The following PAPOLG variants were observed in gnomAD, a reference collection of about 807,000 sequenced individuals.
PAPOLG encodes the protein poly(A) polymerase gamma.
In PAPOLG, 40 loss-of-function variants were observed where a neutral mutation model predicts 99.0. The ratio of observed to expected loss-of-function variants is 0.40; its 90% CI spans 0.31 to 0.53. PAPOLG has a LOEUF of 0.53. PAPOLG is among the 20% of genes least tolerant of loss of function. The pLI is 0.41. For missense variants in PAPOLG, 675 were observed against 884.1 expected, an observed-to-expected ratio of 0.76 and a Z score of 3.00; for synonymous variants, 310 against 299.3, an observed-to-expected ratio of 1.04 and a Z score of -0.37.
At chr2:60,756,634 C>G in intron 1 of PAPOLG, 139 bp downstream of exon 1, 1 of 991,296 alleles carries the variant, frequency 1.0e-6, no homozygotes, top group Non-Finnish European at 1.5e-6. Flanking sequence ...GGCTCCCGGC[C>G]GGTCCGCAAG....
At chr2:60,759,379 GAAA>G (rs1194684477) in intron 1 of PAPOLG, among the ~76,000 whole-genome samples, 1 of 147,560 alleles carries the variant, frequency 6.8e-6, no homozygotes, top group Non-Finnish European at 1.5e-5. Flanking sequence ...AAAAAAAAAA[GAAA>G]AAAAAGTCTC....
chr2:60,761,623 CAT>C lies in PAPOLG; in HGVS notation c.180-113_180-112del. On this transcript the variant is annotated intron_variant, in intron 2 of 21. Coordinates refer to ENST00000238714, the MANE Select transcript of PAPOLG (RefSeq NM_022894.4). ...GTCAGTAGATGTGATAGCATTATCA[CAT>C]ATATGTTATGGTTTTACCCCAGCAT... 4.9e-6 allele frequency: 4 copies of C among 810,966 alleles called. 1 individual carries two copies. The South Asian group carries it at 6.3e-5, about 13-fold the overall frequency. The allele number at this position is 810,966 out of a possible 1,614,324, so 50.2% of individuals were successfully genotyped here.
rs374307901 is a variant in PAPOLG at position 60,783,163 on chromosome 2, A to G, written c.1120A>G (p.Ile374Val). 3 of 1,586,168 alleles carry G rather than the reference A, an allele frequency of 1.9e-6. No individual in the cohort carries two copies. The highest frequency in any genetic ancestry group is 2.6e-6 in the Non-Finnish European group (3 of 1,169,482). The change falls in exon 13 of 22, where the codon ATA (isoleucine) becomes GTA (valine). Residue 374 changes from isoleucine to valine, a missense_variant. Coordinates refer to ENST00000238714, the MANE Select transcript of PAPOLG (RefSeq NM_022894.4). Reference sequence around the variant, plus strand: ...TTGCTGAAAATTCTTCAGACATTATATAGTATTGACTGCCAGCGCATCAAC... The same window carrying G: ...TTGCTGAAAATTCTTCAGACATTATGTAGTATTGACTGCCAGCGCATCAAC... ...PNFFQKYRHYIVLTASASTEE... is the reference protein window; with the variant it reads ...PNFFQKYRHYVVLTASASTEE...
chr2:60,794,318 TAAAG>T (rs1162558563), intron 19 of PAPOLG, 127 bp downstream of exon 19: 3 of 976,022 alleles, frequency 3.1e-6, no homozygotes, highest in Admixed American at 6.2e-5. Context: ...ACCCAAATCT[TAAAG>T]AAACAATATT....
At chr2:60,782,556 CA>C in intron 11 of PAPOLG, 129 bp from the exon 12 acceptor site, 1 of 1,286,950 alleles carries the variant, frequency 7.8e-7, no homozygotes. Context: ...GACTCTGTCT[CA>C]AAAAAAGAAA....
At chr2:60,780,826 A>T in intron 10 of PAPOLG, 47 bp downstream of exon 10, 1 of 1,423,812 alleles carries the variant, frequency 7.0e-7, no homozygotes, top group African/African-American at 1.4e-5. Flanking sequence ...AAGGAAGAGG[A>T]CATTTCACTA....
chr2:60,766,333 G>C (rs184009859), intron 3 of PAPOLG, among the ~76,000 whole-genome samples: 1 of 152,306 alleles, frequency 6.6e-6, no homozygotes, highest in East Asian at 1.9e-4. Context: ...TCATGGAAGA[G>C]GTGGAACTTG....
At chr2:60,782,156 G>T in intron 11 of PAPOLG, 151 bp downstream of exon 11, 1 of 876,472 alleles carries the variant, frequency 1.1e-6, no homozygotes. Flanking sequence ...TTTTAGTAAT[G>T]AGTTTTCAAA....
At chr2:60,794,572 A>T (rs192571605) in intron 19 of PAPOLG, 138 bp from the exon 20 acceptor site, 13 of 727,170 alleles carry the variant, frequency 1.8e-5, no homozygotes, top group African/African-American at 1.6e-4. Flanking sequence ...ATCTAATTTA[A>T]ATTATCTTCT....
At chr2:60,778,265 G>T (rs561658429) in intron 8 of PAPOLG, among the ~76,000 whole-genome samples, 1 of 152,226 alleles carries the variant, frequency 6.6e-6, no homozygotes, top group East Asian at 1.9e-4. Context: ...TTCCACTCTA[G>T]CCTCCCGAGT....
In PAPOLG at chr2:60,794,003, C is replaced by G; in HGVS notation, c.1801C>G (p.Pro601Ala). 1 of 1,612,266 alleles carries G rather than the reference C, an allele frequency of 6.2e-7. No homozygotes were observed. Among genetic ancestry groups the G allele is most frequent in the South Asian group, 1.1e-5 (1 of 91,026 alleles). ...VDSTVKTVSP[P>A]TVCTIPTVVG... ...CTCTACAGTAAAAACTGTATCACCC[C>G]CCACTGTGTGTACCATTCCTACCGT... The change falls in exon 19 of 22, where the codon CCC (proline) becomes GCC (alanine). Residue 601 changes from proline to alanine, a missense_variant. Pro to Ala is a conservative substitution (Grantham distance 27). Around this residue, in one of 3 missense-constraint regions of PAPOLG, gnomAD observed 413 missense variants for 460.5 expected, o/e 0.90. Transcript: ENST00000238714.
intron 8 of PAPOLG, 132 bp downstream of exon 8, chr2:60,775,255 C>A (rs1670981954): frequency 9.2e-6 from 10 of 1,084,898 alleles, no homozygotes; most frequent in Non-Finnish European, 1.3e-5. Context: ...TCTGTAATAG[C>A]TATTTGCTTT....
intron 20 of PAPOLG, 68 bp downstream of exon 20, chr2:60,794,843 A>G (rs1671648421): frequency 6.5e-7 from 1 of 1,541,398 alleles, no homozygotes; most frequent in Non-Finnish European, 8.9e-7. Flanking sequence ...AAAGTGCCAT[A>G]TTAGAAAGTA....
chr2:60,781,797 A>G, intron 10 of PAPOLG, 88 bp from the exon 11 acceptor site: 9 of 1,535,962 alleles, frequency 5.9e-6, no homozygotes, highest in Admixed American at 1.8e-5. Context: ...TTAAATTTAT[A>G]TTTCATATTC....
intron 15 of PAPOLG, among the ~76,000 whole-genome samples, chr2:60,790,932 T>C (rs1011501161): frequency 2.0e-5 from 3 of 151,812 alleles, no homozygotes; most frequent in Admixed American, 1.3e-4. Flanking sequence ...CTACAAAAAA[T>C]CCAAAAAGTA....
intron 13 of PAPOLG, among the ~76,000 whole-genome samples, chr2:60,784,051 G>T (rs535704902): frequency 1.3e-5 from 2 of 152,306 alleles, no homozygotes; most frequent in South Asian, 2.1e-4. Context: ...TCAGCTCACT[G>T]CAACCTCCGC....
In PAPOLG at chr2:60,756,381, A is replaced by G. The variant is rs1670339313; in HGVS notation, c.-98A>G. 1.3e-6 allele frequency: 2 copies of G among 1,513,374 alleles called. No homozygotes were observed. The highest frequency in any genetic ancestry group is 1.8e-6 in the Non-Finnish European group (2 of 1,089,118). The allele number at this position is 1,513,374 out of a possible 1,614,324, so 93.7% of individuals were successfully genotyped here. On this transcript the variant is annotated 5_prime_UTR_variant, in exon 1 of 22. Transcript: ENST00000238714. ...GGGAAAGTGAGCGAGCAAGCGAGCT[A>G]CTAGCGACCGGAGGAAAGTGAACAG...
intron 21 of PAPOLG, 38 bp downstream of exon 21, chr2:60,795,058 G>C (rs757833528): frequency 6.6e-7 from 1 of 1,523,980 alleles, no homozygotes; most frequent in East Asian, 2.3e-5. Flanking sequence ...CAGTACATAG[G>C]TAAAAACTCA....
At chr2:60,783,261 T>C (rs1175580600) in intron 13 of PAPOLG, 52 bp downstream of exon 13, 9 of 1,099,034 alleles carry the variant, frequency 8.2e-6, no homozygotes, top group Non-Finnish European at 1.2e-5. Flanking sequence ...TAGTAACTTA[T>C]TTATATGGTG....
Sources: allele counts gnomAD v4.1 joint callset (sites outside exome capture counted in the v4.1 genomes callset), GRCh38; gene constraint gnomAD v4.1.1; regional missense constraint gnomAD v4.1.1; transcripts MANE v1.5; gene names NCBI Gene and HGNC (gene_info 2026-07-23, HGNC 2026-07-21).